Variants in PIK3AP1 observed in about 807,000 individuals in gnomAD.
PIK3AP1 encodes the protein phosphoinositide 3-kinase adapter protein 1.
PIK3AP1 carries 21 observed loss-of-function variants against 88.1 expected under a neutral mutation model. The ratio of observed to expected loss-of-function variants is 0.24; its 90% confidence interval spans 0.17 to 0.34. The LOEUF is 0.34. Among genes scored for constraint, PIK3AP1 ranks in the 10% least tolerant of loss-of-function variants. The pLI is 1.00. For synonymous variants in PIK3AP1, 398 were observed against 400.0 expected, an observed-to-expected ratio of 1.00 and a Z score of 0.06; for missense variants, 828 against 1,035.7, an observed-to-expected ratio of 0.80 and a Z score of 2.75.
intron 1 of PIK3AP1, among the ~76,000 whole-genome samples, chr10:96,717,973 C>T (rs1429721116): frequency 6.6e-6 from 1 of 152,046 alleles, no homozygotes; most frequent in African/African-American, 2.4e-5. Context: ...AGAATTAGGC[C>T]ATAAAAAGGA....
At chr10:96,671,996 G>A (rs968941060) in intron 2 of PIK3AP1, among the ~76,000 whole-genome samples, 5 of 151,986 alleles carry the variant, frequency 3.3e-5, no homozygotes, top group Non-Finnish European at 5.9e-5. Flanking sequence ...CCATGATTGT[G>A]CCACTGCACT....
chr10:96,652,537 C>A (rs1843553486), intron 4 of PIK3AP1, among the ~76,000 whole-genome samples, 161 bp downstream of exon 4: 1 of 151,576 alleles, frequency 6.6e-6, no homozygotes, highest in Non-Finnish European at 1.5e-5. Flanking sequence ...CATGCCACTG[C>A]ACTCCAGCCT....
chr10:96,652,849 C>A lies in PIK3AP1; in HGVS notation c.568-7G>T. ...CATAGACAGTGGTTTCTGCCTGAAA[C>A]GGGAAGCCGGTCATTGTCCCCTCTC... On this transcript the variant is annotated splice_polypyrimidine_tract_variant and splice_region_variant and intron_variant, in intron 3 of 16. Coordinates refer to ENST00000339364, the MANE Select transcript of PIK3AP1 (RefSeq NM_152309.3). 1.9e-6 allele frequency: 3 copies of A among 1,611,902 alleles called. No homozygotes were observed. The highest frequency in any genetic ancestry group is 2.5e-6 in the Non-Finnish European group (3 of 1,179,776).
In PIK3AP1 at chr10:96,648,797, C is replaced by A; in HGVS notation, c.1047G>T (p.Lys349Asn). Residue 349 changes from lysine (K) to asparagine (N), a missense_variant, in exon 7 of 17, where the codon AAG (lysine) becomes AAT (asparagine). By Grantham distance (94) the Lys-to-Asn change is moderately conservative. Coordinates refer to ENST00000339364, the MANE Select transcript of PIK3AP1 (RefSeq NM_152309.3). ...AGGTGAGCAACAAGGCAGTGAGGTT[C>A]TTCAGTCCATACTTCGCAGCAAAAT... ...LLHFAAKYGL[K>N]NLTALLLTCP... 6.2e-7 allele frequency: 1 copy of A among 1,604,898 alleles called. No homozygotes were observed. The highest frequency in any genetic ancestry group is 8.5e-7 in the Non-Finnish European group (1 of 1,176,352).
intron 2 of PIK3AP1, among the ~76,000 whole-genome samples, chr10:96,702,235 T>G (rs2134284250): frequency 6.6e-6 from 1 of 152,302 alleles, no homozygotes; most frequent in African/African-American, 2.4e-5. Flanking sequence ...ACGCGGTGGC[T>G]CATGCCTGTA....
chr10:96,604,046 CT>C lies in PIK3AP1; in HGVS notation c.2173del (p.Ser725AlafsTer14). The C allele has an allele frequency of 6.3e-7, 1 of 1,597,344 alleles. No individual in the cohort carries two copies. Among genetic ancestry groups the C allele is most frequent in the Non-Finnish European group, 8.6e-7 (1 of 1,169,414 alleles). ...KTDSTSSTAS[S>X]TSNRSSTRSL... ...CCGGGTGCTGGAGCGGTTACTTGTG[CT>C]ACCTAAAGGGTAGAAAGAAAATCAG... On this transcript the variant is annotated frameshift_variant and splice_region_variant, in exon 15 of 17. Coordinates refer to ENST00000339364, the MANE Select transcript of PIK3AP1 (RefSeq NM_152309.3). LOFTEE classifies it high-confidence loss of function.
intron 2 of PIK3AP1, among the ~76,000 whole-genome samples, chr10:96,668,520 T>C (rs1843796684): frequency 1.3e-5 from 2 of 152,092 alleles, no homozygotes; most frequent in Non-Finnish European, 2.9e-5. Flanking sequence ...AAAAAGAAAG[T>C]GAGCAGAGAA....
In PIK3AP1 at chr10:96,656,954, G is replaced by A. The variant is rs1411267351; in HGVS notation, c.431-20C>T. The A allele has an allele frequency of 5.0e-6, 8 of 1,611,878 alleles. No individual in the cohort carries two copies. The highest frequency in any genetic ancestry group is 1.3e-5 in the African/African-American group (1 of 74,860). The stretch of plus-strand genomic sequence containing the variant: ...CAGAATCTACAAAATAGAGGACACC[G>A]CTGAATGGGAACGGCAGGAAGGAGA... On this transcript the variant is annotated intron_variant, in intron 2 of 16. Coordinates refer to ENST00000339364, the MANE Select transcript of PIK3AP1 (RefSeq NM_152309.3).
chr10:96,712,178 G>A (rs1364198302), intron 1 of PIK3AP1, among the ~76,000 whole-genome samples: 2 of 152,166 alleles, frequency 1.3e-5, no homozygotes, highest in Admixed American at 6.5e-5. Context: ...AGACTTCTTA[G>A]CAGGAGCAAG....
At chr10:96,701,565 G>A (rs572056160) in intron 2 of PIK3AP1, among the ~76,000 whole-genome samples, 1 of 152,208 alleles carries the variant, frequency 6.6e-6, no homozygotes, top group African/African-American at 2.4e-5. Context: ...ATTTCCCTGA[G>A]GGGAGGAGGG....
chr10:96,605,543 A>G (rs1391062940), intron 14 of PIK3AP1, among the ~76,000 whole-genome samples: 1 of 152,198 alleles, frequency 6.6e-6, no homozygotes, highest in East Asian at 1.9e-4. Context: ...TATTCTCACT[A>G]ACAACATAGT....
intron 8 of PIK3AP1, among the ~76,000 whole-genome samples, chr10:96,637,432 C>A (rs528942349): frequency 6.6e-6 from 1 of 152,092 alleles, no homozygotes; most frequent in African/African-American, 2.4e-5. Context: ...GGTGCAATCA[C>A]GGCCCACTGC....
At chr10:96,632,887 C>G in intron 8 of PIK3AP1, 1 of 1,611,874 alleles carries the variant, frequency 6.2e-7, no homozygotes. Context: ...TTCAGACTCA[C>G]AAGATGACCC....
rs748906679 is a variant in PIK3AP1 at position 96,595,572 on chromosome 10, TG to T, written c.*4del. 20 of 1,612,910 alleles carry T rather than the reference TG, an allele frequency of 1.2e-5. 1 individual carries two copies. Among genetic ancestry groups the T allele is most frequent in the South Asian group, 7.7e-5 (7 of 90,806 alleles). ...CCTGAAGTAGGCAGGTTTTAGGAGG[TG>T]GAATCAGCGTCCTCTGGGTGGAACA... On this transcript the variant is annotated 3_prime_UTR_variant, in exon 17 of 17. Coordinates refer to ENST00000339364, the MANE Select transcript of PIK3AP1 (RefSeq NM_152309.3).
intron 2 of PIK3AP1, among the ~76,000 whole-genome samples, chr10:96,686,342 C>A (rs1294658628): frequency 2.0e-5 from 3 of 152,154 alleles, no homozygotes; most frequent in Non-Finnish European, 4.4e-5. Flanking sequence ...GAAAATCCCA[C>A]AGAATAATAT....
intron 1 of PIK3AP1, among the ~76,000 whole-genome samples, chr10:96,717,394 A>G (rs947564256): frequency 7.1e-4 from 108 of 152,134 alleles, no homozygotes; most frequent in African/African-American, 2.5e-3. Flanking sequence ...CTGGAGCCCC[A>G]TGTTTGAATC....
intron 1 of PIK3AP1, among the ~76,000 whole-genome samples, chr10:96,719,110 G>A (rs750272619): frequency 1.3e-5 from 2 of 152,040 alleles, no homozygotes; most frequent in African/African-American, 2.4e-5. Context: ...CTATTACTAG[G>A]CCTCCTTATT....
At chr10:96,624,551 G>C (rs1351094664) in intron 10 of PIK3AP1, among the ~76,000 whole-genome samples, 1 of 152,004 alleles carries the variant, frequency 6.6e-6, no homozygotes, top group Non-Finnish European at 1.5e-5. Context: ...AAATGGTCCA[G>C]ACATGGTGGC....
In PIK3AP1 at chr10:96,602,278, A is replaced by G; in HGVS notation, c.2360+2T>C. Reference sequence around the variant, plus strand: ...AAAATTTCATATCAGTTTTGATGTTACCTCTGTGAGGCAGCTCTCGGAGGC... The same window carrying G: ...AAAATTTCATATCAGTTTTGATGTTGCCTCTGTGAGGCAGCTCTCGGAGGC... On this transcript the variant is annotated splice_donor_variant, in intron 16 of 16. Transcript: ENST00000339364. LOFTEE classifies it high-confidence loss of function. 6.3e-7 allele frequency: 1 copy of G among 1,594,062 alleles called. No individual in the cohort carries two copies.
Sources: allele counts gnomAD v4.1 joint callset (sites outside exome capture counted in the v4.1 genomes callset), GRCh38; gene constraint gnomAD v4.1.1; transcripts MANE v1.5; gene names NCBI Gene and HGNC (gene_info 2026-07-23, HGNC 2026-07-21).